MED13: variants seen among roughly 807,000 people sequenced by gnomAD.
The protein encoded by MED13 is mediator complex subunit 13, also known as mediator of RNA polymerase II transcription subunit 13.
In MED13, 23 loss-of-function variants were observed where a neutral mutation model predicts 225.2. The ratio of observed to expected loss-of-function variants is 0.10; its 90% CI spans 0.07 to 0.14. The LOEUF (loss-of-function observed/expected upper bound fraction) is 0.14. Ranked by LOEUF, MED13 falls within the 10% of genes least tolerant of loss-of-function variation. The probability of loss-of-function intolerance (pLI) is 1.00; values close to 1 mark genes in which losing one functional copy is unlikely to be tolerated. For missense variants in MED13, 2,197 were observed against 2,594.5 expected, an observed-to-expected ratio of 0.85 and a Z score of 3.33; for synonymous variants, 942 against 889.2, an observed-to-expected ratio of 1.06 and a Z score of -1.06.
rs573875140 is a variant in MED13, at chr17:61,950,386, T to G, written c.6291+439A>C. Among the ~76,000 whole-genome samples, 52 of 139,970 alleles carry G rather than the reference T, an allele frequency of 3.7e-4. 1 individual carries two copies. In the East Asian group the frequency reaches 8.6e-3, roughly 23 times the overall value. 91.8% of individuals were successfully genotyped at this position (139,970 alleles called of 152,430 possible). A position where few individuals can be genotyped will look rare whatever the true frequency, so the allele number is the denominator to read the frequency against. ...AAAATATAAATTTAAAAACTAGTTG[T>G]TTTTTTTTTTTTTGAGACAGAGTCT... On this transcript the variant is annotated intron_variant, in intron 28 of 29. Coordinates refer to ENST00000397786, the MANE Select transcript of MED13 (RefSeq NM_005121.3).
At chr17:61,966,947 T>C (rs1365126769) in intron 18 of MED13, among the ~76,000 whole-genome samples, 1 of 152,112 alleles carries the variant, frequency 6.6e-6, no homozygotes, top group Non-Finnish European at 1.5e-5. Context: ...AACCATTTTG[T>C]TTGAATAAAA....
chr17:61,960,752 C>A (rs2079991532), intron 23 of MED13, 115 bp downstream of exon 23: 1 of 663,970 alleles, frequency 1.5e-6, no homozygotes, highest in East Asian at 2.9e-5. Context: ...ACCCACAACC[C>A]CACATCTTAA....
intron 16 of MED13, among the ~76,000 whole-genome samples, chr17:61,977,597 G>A (rs1202837506): frequency 6.6e-6 from 1 of 152,000 alleles, no homozygotes; most frequent in East Asian, 1.9e-4. Flanking sequence ...GACTACAGGT[G>A]CCCGCCACCA....
chr17:61,994,838 T>C (rs2080333691), intron 10 of MED13, among the ~76,000 whole-genome samples: 1 of 152,152 alleles, frequency 6.6e-6, no homozygotes, highest in African/African-American at 2.4e-5. Flanking sequence ...GCCTCCCGAA[T>C]AGCTGGGATT....
chr17:61,962,715 T>C, intron 21 of MED13, 37 bp downstream of exon 21: 1 of 1,574,422 alleles, frequency 6.4e-7, no homozygotes. Flanking sequence ...TTAAACTGTT[T>C]TACATAATTT....
chr17:61,948,918 C>G, intron 28 of MED13, among the ~76,000 whole-genome samples: 1 of 151,196 alleles, frequency 6.6e-6, no homozygotes, highest in African/African-American at 2.4e-5. Flanking sequence ...AACCCCATCT[C>G]TACTAAAAAA....
chr17:62,021,155 C>T (rs1352585221), intron 8 of MED13, among the ~76,000 whole-genome samples: 2 of 151,514 alleles, frequency 1.3e-5, no homozygotes, highest in East Asian at 3.9e-4. Flanking sequence ...TCTTTCTATT[C>T]CACAAAACCG....
intron 2 of MED13, among the ~76,000 whole-genome samples, chr17:62,056,039 C>T (rs1435989609): frequency 6.6e-6 from 1 of 152,090 alleles, no homozygotes; most frequent in African/African-American, 2.4e-5. Flanking sequence ...GAAGTATGTC[C>T]TCATCTATAT....
At chr17:61,986,946 T>TA (rs965464555) in intron 12 of MED13, 61 bp downstream of exon 12, 52 of 1,203,950 alleles carry the variant, frequency 4.3e-5, no homozygotes, top group African/African-American at 3.2e-4. Context: ...TTCTAAAAAA[T>TA]AAAAAAATAA....
intron 10 of MED13, among the ~76,000 whole-genome samples, chr17:61,993,007 C>T (rs1193559175): frequency 2.0e-5 from 3 of 151,994 alleles, no homozygotes; most frequent in African/African-American, 2.4e-5. Context: ...CCTTGTGATC[C>T]GCCCACCTCA....
chr17:61,978,542 C>A (rs781747723), intron 16 of MED13, among the ~76,000 whole-genome samples: 1 of 152,158 alleles, frequency 6.6e-6, no homozygotes, highest in Non-Finnish European at 1.5e-5. Flanking sequence ...ATCAACTGCT[C>A]TGTATTTCAT....
At chr17:62,050,554 T>G (rs568168628) in intron 3 of MED13, among the ~76,000 whole-genome samples, 1 of 150,076 alleles carries the variant, frequency 6.7e-6, no homozygotes, top group African/African-American at 2.4e-5. Context: ...AGAATAAGCA[T>G]GTTATGTCTT....
In MED13 at chr17:62,063,333, T is replaced by G. The variant is rs763406880; in HGVS notation, c.67-32A>C. 16 of 1,442,604 alleles carry G rather than the reference T, an allele frequency of 1.1e-5. No homozygotes were observed. In the East Asian group the frequency reaches 3.0e-4, roughly 27 times the overall value. 89.4% of individuals were successfully genotyped at this position (1,442,604 alleles called of 1,614,324 possible). On this transcript the variant is annotated intron_variant, in intron 1 of 29. Coordinates refer to ENST00000397786, the MANE Select transcript of MED13 (RefSeq NM_005121.3). ...GAAAGAAAGCATTAAGTTTTATTAC[T>G]GCATATTCACTCAAAGTCAAAAGTA...
At chr17:61,974,814 T>C (rs911359078) in intron 16 of MED13, among the ~76,000 whole-genome samples, 1 of 152,042 alleles carries the variant, frequency 6.6e-6, no homozygotes, top group Non-Finnish European at 1.5e-5. Flanking sequence ...GAGCTAAAAC[T>C]ACAAAGTTAT....
intron 1 of MED13, 60 bp from the exon 2 acceptor site, chr17:62,063,361 C>T (rs958227705): frequency 9.5e-7 from 1 of 1,051,156 alleles, no homozygotes; most frequent in Non-Finnish European, 1.4e-6. Flanking sequence ...CAAAAGTACT[C>T]AATATGATGT....
intron 3 of MED13, among the ~76,000 whole-genome samples, chr17:62,039,548 G>C (rs2080834996): frequency 6.7e-6 from 1 of 149,380 alleles, no homozygotes; most frequent in South Asian, 2.1e-4. Flanking sequence ...CTCCCAAAGT[G>C]CTATAAATTA....
chr17:62,026,709 TCC>T (rs2080705964), intron 8 of MED13, among the ~76,000 whole-genome samples: 1 of 152,122 alleles, frequency 6.6e-6, no homozygotes, highest in Non-Finnish European at 1.5e-5. Context: ...GCCCAAAAGC[TCC>T]TTCAGCTGAT....
chr17:61,946,394 A>C lies in MED13; in HGVS notation c.*74T>G, dbSNP rs1005062941. ...CACAAATGACCTTCACTGAGAAGAT[A>C]ATTGTAACTTAATCCTGCAGCGAAA... On this transcript the variant is annotated 3_prime_UTR_variant, in exon 30 of 30. Transcript: ENST00000397786. The C allele has an allele frequency of 6.6e-7, 1 of 1,519,838 alleles. No individual in the cohort carries two copies. The highest frequency in any genetic ancestry group is 9.0e-7 in the Non-Finnish European group (1 of 1,109,966). The allele number at this position is 1,519,838 out of a possible 1,614,324, so 94.1% of individuals were successfully genotyped here.
intron 11 of MED13, among the ~76,000 whole-genome samples, chr17:61,988,963 A>G (rs766340967): frequency 1.1e-4 from 16 of 145,662 alleles, no homozygotes; most frequent in Non-Finnish European, 1.8e-4. Context: ...CCATTCCCCT[A>G]CCCCCAGTCT....
Sources: allele counts gnomAD v4.1 joint callset (sites outside exome capture counted in the v4.1 genomes callset), GRCh38; gene constraint gnomAD v4.1.1; transcripts MANE v1.5; gene names NCBI Gene and HGNC (gene_info 2026-07-23, HGNC 2026-07-21).